Variants in ABCA2 observed in about 807,000 individuals in gnomAD.
The protein encoded by ABCA2 is ATP binding cassette subfamily A member 2, also known as ATP-binding cassette sub-family A member 2.
ABCA2 carries 84 observed loss-of-function variants against 262.8 expected under a neutral mutation model. The observed-to-expected ratio is 0.32, with a 90% CI of 0.27 to 0.38. ABCA2 has a LOEUF of 0.38. Among genes scored for constraint, ABCA2 ranks in the 10% least tolerant of loss-of-function variants. The pLI is 1.00. For synonymous variants in ABCA2, 1,696 were observed against 1,502.9 expected, an observed-to-expected ratio of 1.13 and a Z score of -2.97; for missense variants, 2,662 against 3,405.9, an observed-to-expected ratio of 0.78 and a Z score of 5.44.
chr9:137,014,143 C>T (rs757250971), intron 27 of ABCA2, 25 bp downstream of exon 27: 2 of 1,599,884 alleles, frequency 1.3e-6, no homozygotes, highest in East Asian at 2.3e-5. Flanking sequence ...CCCTTGCTGT[C>T]CCAGCCTCAC....
chr9:137,020,247 T>C, intron 10 of ABCA2, 89 bp downstream of exon 10: 1 of 1,568,048 alleles, frequency 6.4e-7, no homozygotes, highest in East Asian at 2.2e-5. Flanking sequence ...GTGTCAATTC[T>C]GCCGACACCC....
At position 137,018,608 on chromosome 9, in the gene ABCA2, G is replaced by A. The variant is rs1588520715; in HGVS notation, c.1819+111C>T. 9 of 893,430 alleles carry A rather than the reference G, an allele frequency of 1.0e-5. No homozygotes were observed. In the South Asian group the frequency reaches 1.5e-4, roughly 15 times the overall value. The allele number at this position is 893,430 out of a possible 1,614,324, so 55.3% of individuals were successfully genotyped here. ...GGGAGGGGAAGTGGCGGGTGAGGGGGGAAGGCCAGGGCGCGGCCAAGGAGT... is the reference window on the plus strand; with the variant it reads ...GGGAGGGGAAGTGGCGGGTGAGGGGAGAAGGCCAGGGCGCGGCCAAGGAGT... On this transcript the variant is annotated intron_variant, in intron 13 of 48. Transcript: ENST00000341511.
Position 137,012,545 on chromosome 9 carries a change from G to A in ABCA2, c.5127C>T (p.Ala1709=). The change falls in exon 32 of 49, where the codon GCC becomes GCT. Residue 1709 remains alanine (A), a synonymous_variant. Coordinates refer to ENST00000341511, the MANE Select transcript of ABCA2 (RefSeq NM_001606.5). The part of the protein sequence containing the change: ...TFGNVLKSIP[A]SFGTRAPPMV... ...TGGGTGGGGCCCTGGTGCCAAATGA[G>A]GCTGGGATGGACTTCAGGACGTTTC... is the stretch of plus-strand genomic sequence containing the variant. The A allele has an allele frequency of 3.7e-6, 6 of 1,612,080 alleles. No individual in the cohort carries two copies. The highest frequency in any genetic ancestry group is 5.1e-6 in the Non-Finnish European group (6 of 1,179,900).
Position 137,023,569 on chromosome 9 carries a change from C to T in ABCA2, c.163+269G>A, listed in dbSNP as rs1391896060. On this transcript the variant is annotated intron_variant, in intron 3 of 48. Transcript: ENST00000341511. The stretch of plus-strand genomic sequence containing the variant: ...ACTCAGCCCAGAAGCCGAGGCACCC[C>T]AGCCCTAGAAGGCAAGGCCAGGCAG... 4 of 752,632 alleles carry T rather than the reference C, an allele frequency of 5.3e-6. No individual in the cohort carries two copies. In the African/African-American group the frequency reaches 6.8e-5, roughly 13 times the overall value. The allele number at this position is 752,632 out of a possible 1,614,324, so 46.6% of individuals were successfully genotyped here.
rs1831308229 is a variant in ABCA2, at chr9:137,017,600, G to C, written c.2304C>G (p.Leu768=). The C allele has an allele frequency of 6.2e-7, 1 of 1,612,786 alleles. No individual in the cohort carries two copies. The highest frequency in any genetic ancestry group is 8.5e-7 in the Non-Finnish European group (1 of 1,179,944). The change falls in exon 17 of 49, where the codon CTC becomes CTG. Residue 768 remains leucine (L), a synonymous_variant. Transcript: ENST00000341511. ...CCTGGCCGTACTTCAGGATGGCGGTGAGTGCTGTCACGGAGATGGACAGCT... is the reference window on the plus strand; with the variant it reads ...CCTGGCCGTACTTCAGGATGGCGGTCAGTGCTGTCACGGAGATGGACAGCT... ...FVQLSISVTA[L]TAILKYGQVL...
rs147129197 is a variant in ABCA2 at position 137,017,373 on chromosome 9, G to A, written c.2403-27C>T. 1.3e-3 allele frequency: 2,058 copies of A among 1,610,568 alleles called. 28 individuals carry two copies. In the African/African-American group the frequency reaches 0.024, roughly 19 times the overall value. On this transcript the variant is annotated intron_variant, in intron 17 of 48. Transcript: ENST00000341511. ...TGGGTGGGCAGGGGCCACGCGCACC[G>A]TCATCCACCCGCACGCCCGGCCTCC...
At chr9:137,012,641 G>A in intron 31 of ABCA2, 51 bp from the exon 32 acceptor site, 1 of 1,610,154 alleles carries the variant, frequency 6.2e-7, no homozygotes, top group Non-Finnish European at 8.5e-7. Flanking sequence ...AGTGAGGCTA[G>A]AGGGGCAGGA....
chr9:137,010,887 GC>G (rs1831013935), intron 39 of ABCA2, 85 bp downstream of exon 39: 2 of 497,054 alleles, frequency 4.0e-6, no homozygotes, highest in South Asian at 2.6e-5. Context: ...CCCCATCCCT[GC>G]CCCCACCCCC....
rs773181159 is a variant in ABCA2 at position 137,017,279 on chromosome 9, G to A, written c.2470C>T (p.Leu824=). 3.7e-6 allele frequency: 6 copies of A among 1,612,708 alleles called. No homozygotes were observed. The highest frequency in any genetic ancestry group is 4.2e-6 in the Non-Finnish European group (5 of 1,179,924). ...ACGTACATGTAGGGCACGTAGCTCAGGAAGTAGATGATGCCACCGCAGGCC... is the reference window on the plus strand; with the variant it reads ...ACGTACATGTAGGGCACGTAGCTCAAGAAGTAGATGATGCCACCGCAGGCC... The part of the protein sequence containing the change: ...ASACGGIIYF[L]SYVPYMYVAI... The change falls in exon 18 of 49, where the codon CTG becomes TTG. Residue 824 remains leucine, a synonymous_variant. Transcript: ENST00000341511.
At chr9:137,020,212 C>T (rs1237346127) in intron 10 of ABCA2, 124 bp downstream of exon 10, 16 of 1,339,550 alleles carry the variant, frequency 1.2e-5, no homozygotes, top group South Asian at 1.0e-4. Flanking sequence ...GTGTCCCATC[C>T]GAAGCTGCAC....
chr9:137,013,615 C>A, intron 28 of ABCA2, 52 bp from the exon 29 acceptor site: 1 of 1,535,442 alleles, frequency 6.5e-7, no homozygotes, highest in Non-Finnish European at 8.9e-7. Context: ...TGGCCAGCGG[C>A]CCCCAAGCCT....
intron 1 of ABCA2, 178 bp downstream of exon 1, chr9:137,027,897 C>T: frequency 6.0e-6 from 1 of 166,030 alleles, no homozygotes; most frequent in Non-Finnish European, 1.2e-5. Context: ...TCCCCGGAGG[C>T]CGCAGCGCCG....
chr9:137,015,064 G>A lies in ABCA2; in HGVS notation c.3731C>T (p.Ala1244Val), dbSNP rs372449413. The A allele has an allele frequency of 6.2e-7, 1 of 1,602,816 alleles. No homozygotes were observed. The highest frequency in any genetic ancestry group is 2.2e-5 in the East Asian group (1 of 44,746). The change falls in exon 25 of 49, where the codon GCC becomes GTC. Residue 1244 changes from alanine (A) to valine (V), a missense_variant. Coordinates refer to ENST00000341511, the MANE Select transcript of ABCA2 (RefSeq NM_001606.5). ...PGLASSPPGRAPLSSCSELQV... is the reference protein window; with the variant it reads ...PGLASSPPGRVPLSSCSELQV... ...GAGCTCGGAGCAGCTGCTCAGCGGG[G>A]CCCGACCTGGGGGGCTGGATGCCAG... is the stretch of plus-strand genomic sequence containing the variant.
intron 1 of ABCA2, among the ~76,000 whole-genome samples, chr9:137,026,077 C>T (rs1053076008): frequency 6.6e-6 from 1 of 152,208 alleles, no homozygotes; most frequent in Admixed American, 6.5e-5. Context: ...CCGAGGGTGG[C>T]GCTGCCATCT....
chr9:137,016,882 C>T (rs1302383145), intron 19 of ABCA2, 38 bp downstream of exon 19: 3 of 1,602,228 alleles, frequency 1.9e-6, no homozygotes, highest in Non-Finnish European at 2.6e-6. Flanking sequence ...GGCTGGGGAC[C>T]CCTGCCTCTC....
In ABCA2 at chr9:137,022,952, G is replaced by C; in HGVS notation, c.264C>G (p.Tyr88Ter). ...GQRDEFGFLQ[Y>*]ANSTVTQLLE... is the part of the protein sequence containing the mutation. ...GGGTGGGCACTCACGTGGAGTTGGCGTACTGCAGGAAGCCGAACTCGTCTC... is the reference window on the plus strand; with the variant it reads ...GGGTGGGCACTCACGTGGAGTTGGCCTACTGCAGGAAGCCGAACTCGTCTC... The change falls in exon 4 of 49, where the codon TAC becomes TAG. Residue 88 changes from tyrosine to a stop codon, truncating the protein, a stop_gained. Coordinates refer to ENST00000341511, the MANE Select transcript of ABCA2 (RefSeq NM_001606.5). LOFTEE classifies it high-confidence loss of function. The C allele has an allele frequency of 6.3e-7, 1 of 1,578,548 alleles. No individual in the cohort carries two copies. The highest frequency in any genetic ancestry group is 8.6e-7 in the Non-Finnish European group (1 of 1,163,310).
At chr9:137,017,424 G>A (rs938059448) in intron 17 of ABCA2, 78 bp from the exon 18 acceptor site, 2 of 1,600,910 alleles carry the variant, frequency 1.2e-6, no homozygotes, top group African/African-American at 2.7e-5. Flanking sequence ...CAGGGTCCAG[G>A]GGGCTCTGAG....
In ABCA2 at chr9:137,021,867, C is replaced by T. The variant is rs940606469; in HGVS notation, c.678+24G>A. Reference sequence around the variant, plus strand: ...CCAGAGGCAGGCAGCACTCCAGGCCCATCCCACACATGGATGCCCTCACCT... The same window carrying T: ...CCAGAGGCAGGCAGCACTCCAGGCCTATCCCACACATGGATGCCCTCACCT... On this transcript the variant is annotated intron_variant, in intron 7 of 48. Coordinates refer to ENST00000341511, the MANE Select transcript of ABCA2 (RefSeq NM_001606.5). The surrounding 1 kb of genome is among the most constrained non-coding windows in gnomAD (Gnocchi z 6.0). 2.9e-5 allele frequency: 45 copies of T among 1,562,380 alleles called. No individual in the cohort carries two copies. Among genetic ancestry groups the T allele is most frequent in the Non-Finnish European group, 3.5e-5 (40 of 1,149,174 alleles).
Position 137,014,513 on chromosome 9 carries a change from C to T in ABCA2, c.4004-109G>A, listed in dbSNP as rs565213041. The T allele has an allele frequency of 9.2e-5, 133 of 1,447,614 alleles. No individual in the cohort carries two copies. In the East Asian group the frequency reaches 2.4e-3, roughly 26 times the overall value. 89.7% of individuals were successfully genotyped at this position (1,447,614 alleles called of 1,614,324 possible). ...CAGTTCCCAGGCTCATACACCTGTCCGGGACCTCTGGCCACCAGGACCACC... is the reference window on the plus strand; with the variant it reads ...CAGTTCCCAGGCTCATACACCTGTCTGGGACCTCTGGCCACCAGGACCACC... On this transcript the variant is annotated intron_variant, in intron 26 of 48. Transcript: ENST00000341511.
Sources: allele counts gnomAD v4.1 joint callset (sites outside exome capture counted in the v4.1 genomes callset), GRCh38; gene constraint gnomAD v4.1.1; non-coding constraint Gnocchi (gnomAD v3.1); transcripts MANE v1.5; gene names NCBI Gene and HGNC (gene_info 2026-07-23, HGNC 2026-07-21).